Variants in PPP4R3B observed in about 807,000 individuals in gnomAD.
PPP4R3B encodes serine/threonine-protein phosphatase 4 regulatory subunit 3B.
Under a neutral mutation model 95.4 loss-of-function variants are expected in PPP4R3B, and 52 were observed. That is an observed-to-expected ratio of 0.54 (90% CI 0.44 to 0.69). The LOEUF (loss-of-function observed/expected upper bound fraction) is 0.69. Among genes scored for constraint, PPP4R3B ranks in the 30% least tolerant of loss-of-function variants. The pLI is 0.00. For synonymous variants in PPP4R3B, 407 were observed against 343.9 expected, an observed-to-expected ratio of 1.18 and a Z score of -2.03; for missense variants, 1,003 against 1,005.9, an observed-to-expected ratio of 1.00 and a Z score of 0.04.
intron 16 of PPP4R3B, among the ~76,000 whole-genome samples, chr2:55,551,354 C>T (rs1321420648): frequency 6.9e-6 from 1 of 144,400 alleles, no homozygotes; most frequent in East Asian, 2.1e-4. Context: ...AAAAGAAAAA[C>T]AAAAAAAAAC....
chr2:55,592,766 C>T (rs771877445), intron 4 of PPP4R3B, among the ~76,000 whole-genome samples: 8 of 152,124 alleles, frequency 5.3e-5, no homozygotes, highest in Admixed American at 3.3e-4. Flanking sequence ...TTCCTATCCT[C>T]CATCATTTCT....
rs141370353 is a variant in PPP4R3B at position 55,561,689 on chromosome 2, G to T, written c.2260+2624C>A. On this transcript the variant is annotated intron_variant, in intron 15 of 16. Transcript: ENST00000616407. ...AGCTTTAAGATTTAAAGACTGCCCT[G>T]CTGGGCTTTGCACTTGCCCAGGGCC... 4.4e-3 allele frequency among the ~76,000 whole-genome samples: 672 copies of T among 152,368 alleles called. 6 individuals carry two copies. The highest frequency in any genetic ancestry group is 0.014 in the Middle Eastern group (4 of 294).
At chr2:55,577,495 T>C in intron 10 of PPP4R3B, 139 bp from the exon 11 acceptor site, 3 of 913,802 alleles carry the variant, frequency 3.3e-6, no homozygotes, top group Non-Finnish European at 4.2e-6. Context: ...ACTTGGTTGC[T>C]TCAGCAAAAT....
At chr2:55,593,800 T>C (rs1158454054) in intron 4 of PPP4R3B, among the ~76,000 whole-genome samples, 1 of 152,154 alleles carries the variant, frequency 6.6e-6, no homozygotes. Context: ...TCACACATAG[T>C]TGAAAACACA....
At chr2:55,552,393 G>T (rs1186016854) in intron 16 of PPP4R3B, among the ~76,000 whole-genome samples, 1 of 151,976 alleles carries the variant, frequency 6.6e-6, no homozygotes, top group African/African-American at 2.4e-5. Context: ...GCATTCCATG[G>T]TATGAATATA....
At chr2:55,579,037 T>C (rs1689082745) in intron 9 of PPP4R3B, among the ~76,000 whole-genome samples, 1 of 152,080 alleles carries the variant, frequency 6.6e-6, no homozygotes, top group Admixed American at 6.6e-5. Flanking sequence ...ATTAGATACA[T>C]GCAACTATAA....
At chr2:55,587,818 C>G (rs552585995) in intron 5 of PPP4R3B, among the ~76,000 whole-genome samples, 1 of 152,158 alleles carries the variant, frequency 6.6e-6, no homozygotes, top group Non-Finnish European at 1.5e-5. Flanking sequence ...TAGTCTAAAA[C>G]ACCAATATTA....
intron 10 of PPP4R3B, 92 bp from the exon 11 acceptor site, chr2:55,577,448 A>G: frequency 1.7e-6 from 2 of 1,182,172 alleles, no homozygotes; most frequent in Non-Finnish European, 2.2e-6. Flanking sequence ...CATGTCTTCA[A>G]TCATAATCTC....
chr2:55,579,625 A>C, intron 9 of PPP4R3B, 54 bp downstream of exon 9: 1 of 1,271,308 alleles, frequency 7.9e-7, no homozygotes, highest in Non-Finnish European at 1.1e-6. Flanking sequence ...TTTAATATTT[A>C]TCTCATCCTT....
chr2:55,564,792 T>G, intron 14 of PPP4R3B, 110 bp downstream of exon 14: 3 of 1,306,896 alleles, frequency 2.3e-6, no homozygotes, highest in Non-Finnish European at 3.2e-6. Flanking sequence ...CTCTATGCTA[T>G]CCAGTGATGG....
intron 7 of PPP4R3B, among the ~76,000 whole-genome samples, chr2:55,584,453 AG>A (rs939116462): frequency 6.6e-6 from 1 of 152,188 alleles, no homozygotes; most frequent in Non-Finnish European, 1.5e-5. Context: ...TCACCCAAGC[AG>A]TATACACTGC....
rs779367769 is a variant in PPP4R3B at position 55,581,698 on chromosome 2, C to G, written c.1234G>C (p.Asp412His). The stretch of plus-strand genomic sequence containing the variant: ...ATTACCACATTAATAAGAAGAATAT[C>G]CTGGTGGCAAAACAAAACAAAACAA... ...VMQEAQQSDD[D>H]ILLINVVIEQ... The change falls in exon 8 of 17, where the codon GAT becomes CAT. Residue 412 changes from aspartate to histidine, a missense_variant and splice_region_variant. By Grantham distance (81) the Asp-to-His change is moderately conservative (BLOSUM62 -1). Around this residue, in one of 3 missense-constraint regions of PPP4R3B, gnomAD observed 695 missense variants for 686.2 expected, o/e 1.01. Transcript: ENST00000616407. 6.2e-7 allele frequency: 1 copy of G among 1,610,566 alleles called. No individual in the cohort carries two copies. The highest frequency in any genetic ancestry group is 8.5e-7 in the Non-Finnish European group (1 of 1,178,894).
chr2:55,561,142 A>C (rs781493539), intron 15 of PPP4R3B, among the ~76,000 whole-genome samples: 4 of 151,908 alleles, frequency 2.6e-5, no homozygotes, highest in Non-Finnish European at 5.9e-5. Flanking sequence ...GCCATGGCGA[A>C]AAGGAGCCAA....
At chr2:55,605,913 A>G (rs1347712369) in intron 2 of PPP4R3B, among the ~76,000 whole-genome samples, 1 of 151,856 alleles carries the variant, frequency 6.6e-6, no homozygotes, top group Non-Finnish European at 1.5e-5. Flanking sequence ...TCAAAAAAAA[A>G]AAAAAAAAAA....
At chr2:55,610,848 G>A (rs1486948207) in intron 2 of PPP4R3B, among the ~76,000 whole-genome samples, 1 of 148,672 alleles carries the variant, frequency 6.7e-6, no homozygotes, top group Admixed American at 6.8e-5. Flanking sequence ...TGTTAAATAG[G>A]TACACATTCT....
intron 16 of PPP4R3B, among the ~76,000 whole-genome samples, chr2:55,553,785 A>G (rs1022811191): frequency 6.6e-6 from 1 of 152,210 alleles, no homozygotes; most frequent in Non-Finnish European, 1.5e-5. Context: ...TCAGGACTTC[A>G]TTCTTTTTTA....
At chr2:55,599,176 G>A (rs1181732972) in intron 3 of PPP4R3B, 137 bp from the exon 4 acceptor site, 34 of 800,984 alleles carry the variant, frequency 4.2e-5, no homozygotes, top group Non-Finnish European at 5.9e-5. Flanking sequence ...GGTGGCTCAC[G>A]CCTGTAATCC....
At chr2:55,561,695 C>G (rs1686649086) in intron 15 of PPP4R3B, among the ~76,000 whole-genome samples, 1 of 152,248 alleles carries the variant, frequency 6.6e-6, no homozygotes, top group African/African-American at 2.4e-5. Flanking sequence ...CCCTGCTGGG[C>G]TTTGCACTTG....
At chr2:55,557,336 G>A (rs559722893) in intron 16 of PPP4R3B, among the ~76,000 whole-genome samples, 1 of 152,252 alleles carries the variant, frequency 6.6e-6, no homozygotes, top group Non-Finnish European at 1.5e-5. Flanking sequence ...GACCACAGGT[G>A]TGTGCCACCA....
Sources: allele counts gnomAD v4.1 joint callset (sites outside exome capture counted in the v4.1 genomes callset), GRCh38; gene constraint gnomAD v4.1.1; regional missense constraint gnomAD v4.1.1; transcripts MANE v1.5; gene names NCBI Gene and HGNC (gene_info 2026-07-23, HGNC 2026-07-21).